DDR2: variants seen among roughly 807,000 people sequenced by gnomAD.
DDR2 encodes the protein discoidin domain receptor tyrosine kinase 2.
In DDR2, 27 loss-of-function variants were observed where a neutral mutation model predicts 94.9. The ratio of observed to expected loss-of-function variants is 0.28; its 90% CI spans 0.21 to 0.39. The LOEUF (loss-of-function observed/expected upper bound fraction) is 0.39. DDR2 is among the 10% of genes least tolerant of loss of function. The pLI, the probability that DDR2 is intolerant of heterozygous loss-of-function variation, is 1.00. For synonymous variants in DDR2, 382 were observed against 377.2 expected (o/e 1.01, Z -0.15); for missense variants, 783 against 1,076.0 (o/e 0.73, Z 3.81).
intron 1 of DDR2, among the ~76,000 whole-genome samples, chr1:162,644,755 C>A (rs1403267351): frequency 6.6e-6 from 1 of 152,090 alleles, no homozygotes; most frequent in Admixed American, 6.6e-5. Flanking sequence ...CACTACCACA[C>A]CTGGCTAATT....
chr1:162,717,609 TTTC>T (rs1347534731), intron 2 of DDR2, among the ~76,000 whole-genome samples: 16 of 152,326 alleles, frequency 1.1e-4, no homozygotes, highest in African/African-American at 3.8e-4. Flanking sequence ...TTTCTCAGAC[TTTC>T]TTGTTTTTAA....
At chr1:162,773,637 T>A (rs202099195) in intron 14 of DDR2, 41 bp downstream of exon 14, 2 of 1,611,530 alleles carry the variant, frequency 1.2e-6, no homozygotes, top group Non-Finnish European at 1.7e-6. Context: ...AGGTATTTCA[T>A]CTTTAGGACC....
chr1:162,752,932 A>G (rs1418995513), intron 3 of DDR2, among the ~76,000 whole-genome samples, 163 bp from the exon 4 acceptor site: 1 of 152,212 alleles, frequency 6.6e-6, no homozygotes, highest in Non-Finnish European at 1.5e-5. Flanking sequence ...CAGGAAGACA[A>G]GTCTGATAGA....
At chr1:162,780,064 A>T (rs368193771) in intron 17 of DDR2, 48 bp from the exon 18 acceptor site, 1 of 1,566,356 alleles carries the variant, frequency 6.4e-7, no homozygotes, top group African/African-American at 1.3e-5. Context: ...TCTTTGTAAT[A>T]TTCTCTCTCT....
chr1:162,708,581 C>A (rs1183414420), intron 2 of DDR2, among the ~76,000 whole-genome samples: 4 of 152,190 alleles, frequency 2.6e-5, no homozygotes, highest in African/African-American at 4.8e-5. Context: ...TCACTGCCCC[C>A]ACAGAAGTGG....
intron 2 of DDR2, among the ~76,000 whole-genome samples, chr1:162,696,864 G>T (rs1031911385): frequency 2.6e-5 from 4 of 152,128 alleles, no homozygotes; most frequent in Non-Finnish European, 4.4e-5. Flanking sequence ...TTGTCTGACT[G>T]TGCTAATCCT....
chr1:162,780,263 C>A lies in DDR2; in HGVS notation c.*17C>A. The A allele has an allele frequency of 6.2e-7, 1 of 1,613,714 alleles. No homozygotes were observed. The highest frequency in any genetic ancestry group is 8.5e-7 in the Non-Finnish European group (1 of 1,179,800). On this transcript the variant is annotated 3_prime_UTR_variant, in exon 18 of 18. Coordinates refer to ENST00000367921, the MANE Select transcript of DDR2 (RefSeq NM_006182.4). ...GACGAGTGATGCTGTCAGTGCCTGG[C>A]CATGTTCCTACGGCTCAGGTCCTCC...
chr1:162,655,584 C>T (rs1299429973), intron 2 of DDR2, among the ~76,000 whole-genome samples: 3 of 152,108 alleles, frequency 2.0e-5, no homozygotes, highest in Admixed American at 6.5e-5. Context: ...TTTTCACTTC[C>T]GTTGATTTGG....
intron 14 of DDR2, among the ~76,000 whole-genome samples, chr1:162,774,770 T>C (rs1647432525): frequency 1.3e-5 from 2 of 152,054 alleles, no homozygotes; most frequent in African/African-American, 2.4e-5. Context: ...TGGCCATGAC[T>C]GCAAACCCTC....
chr1:162,774,841 A>T (rs1267141795), intron 14 of DDR2, among the ~76,000 whole-genome samples: 1 of 152,190 alleles, frequency 6.6e-6, no homozygotes, highest in Non-Finnish European at 1.5e-5. Context: ...GAGGTGTTGC[A>T]TCAGGACGGC....
intron 2 of DDR2, among the ~76,000 whole-genome samples, chr1:162,698,854 G>A (rs540229066): frequency 6.6e-6 from 1 of 152,296 alleles, no homozygotes; most frequent in Non-Finnish European, 1.5e-5. Flanking sequence ...ACAATTCATA[G>A]CCTCCTAGTA....
At chr1:162,668,318 G>A (rs1658679258) in intron 2 of DDR2, among the ~76,000 whole-genome samples, 1 of 152,180 alleles carries the variant, frequency 6.6e-6, no homozygotes, top group South Asian at 2.1e-4. Context: ...AGACACATTA[G>A]ACCTTAGCTT....
chr1:162,657,673 G>A (rs1042229959), intron 2 of DDR2, among the ~76,000 whole-genome samples: 1 of 152,124 alleles, frequency 6.6e-6, no homozygotes, highest in African/African-American at 2.4e-5. Context: ...AAGCTGTGGG[G>A]GGCCTGTCCC....
At chr1:162,646,272 A>C (rs1442932884) in intron 1 of DDR2, among the ~76,000 whole-genome samples, 1 of 152,206 alleles carries the variant, frequency 6.6e-6, no homozygotes, top group African/African-American at 2.4e-5. Context: ...CCTTTGAGAC[A>C]AACTGCTTTA....
At chr1:162,737,192 T>A (rs1662347178) in intron 3 of DDR2, among the ~76,000 whole-genome samples, 1 of 150,384 alleles carries the variant, frequency 6.6e-6, no homozygotes, top group South Asian at 2.1e-4. Flanking sequence ...AGTTTTAGGG[T>A]ACATGTGCAC....
chr1:162,705,989 A>G (rs938861544), intron 2 of DDR2, among the ~76,000 whole-genome samples: 4 of 152,200 alleles, frequency 2.6e-5, no homozygotes, highest in African/African-American at 9.7e-5. Context: ...TCACACATAC[A>G]CACTAACACA....
chr1:162,631,871 T>A (rs1656573971), upstream of DDR2: 1 of 151,682 alleles, frequency 6.6e-6, no homozygotes, highest in South Asian at 2.1e-4. Context: ...GGGAATTGAG[T>A]GGAAAAAAAT....
At chr1:162,648,781 G>A (rs527336761) in intron 1 of DDR2, among the ~76,000 whole-genome samples, 20 of 152,284 alleles carry the variant, frequency 1.3e-4, no homozygotes, top group African/African-American at 3.4e-4. Flanking sequence ...CAAAGGCAGC[G>A]TGGAACAAGC....
chr1:162,646,864 T>G (rs1657435768), intron 1 of DDR2, among the ~76,000 whole-genome samples: 1 of 152,214 alleles, frequency 6.6e-6, no homozygotes, highest in Non-Finnish European at 1.5e-5. Context: ...CTCAGGTGAT[T>G]CTGTTGCAGG....
Sources: allele counts gnomAD v4.1 joint callset (sites outside exome capture counted in the v4.1 genomes callset), GRCh38; gene constraint gnomAD v4.1.1; transcripts MANE v1.5; gene names NCBI Gene and HGNC (gene_info 2026-07-23, HGNC 2026-07-21).